Variants in CTNNA3 observed in about 807,000 individuals in gnomAD.
CTNNA3 encodes catenin alpha 3.
In CTNNA3, 76 loss-of-function variants were observed where a neutral mutation model predicts 95.7. The observed-to-expected ratio is 0.79, with a 90% CI of 0.66 to 0.96. The LOEUF is 0.96. Among genes scored for constraint, CTNNA3 ranks in the 40% least tolerant of loss-of-function variants. The pLI is 0.00. For synonymous variants in CTNNA3, 431 were observed against 374.4 expected, an observed-to-expected ratio of 1.15 and a Z score of -1.74; for missense variants, 1,191 against 1,089.8, an observed-to-expected ratio of 1.09 and a Z score of -1.31.
intron 11 of CTNNA3, among the ~76,000 whole-genome samples, chr10:66,404,354 C>G (rs553740755): frequency 6.6e-6 from 1 of 152,268 alleles, no homozygotes; most frequent in South Asian, 2.1e-4. Context: ...GTCAATTAAA[C>G]TCGTTCACTA....
chr10:67,218,221 A>C (rs775346988), intron 6 of CTNNA3, among the ~76,000 whole-genome samples: 4 of 152,068 alleles, frequency 2.6e-5, no homozygotes, highest in Non-Finnish European at 2.9e-5. Context: ...CACACTCGGC[A>C]CTCCCCAGAT....
chr10:66,662,952 T>G (rs1267189413), intron 9 of CTNNA3, among the ~76,000 whole-genome samples: 2 of 152,238 alleles, frequency 1.3e-5, no homozygotes, highest in Admixed American at 6.5e-5. Flanking sequence ...CAATTCATTC[T>G]ATGGTCTTTC....
chr10:66,464,319 C>G (rs879529039), intron 11 of CTNNA3, among the ~76,000 whole-genome samples: 1 of 152,114 alleles, frequency 6.6e-6, no homozygotes, highest in South Asian at 2.1e-4. Flanking sequence ...AGGTTTAATG[C>G]TACTGGATCA....
intron 11 of CTNNA3, among the ~76,000 whole-genome samples, chr10:66,435,955 G>A (rs1332870283): frequency 6.6e-6 from 1 of 152,154 alleles, no homozygotes; most frequent in African/African-American, 2.4e-5. Flanking sequence ...TCAGGAGCAG[G>A]TTGTTCAGTT....
chr10:66,971,630 G>A (rs547417699), intron 7 of CTNNA3, among the ~76,000 whole-genome samples: 2 of 152,178 alleles, frequency 1.3e-5, no homozygotes, highest in South Asian at 4.1e-4. Flanking sequence ...CCCACTTAGA[G>A]TAAACACTCA....
At chr10:66,041,732 T>C (rs908431470) in intron 15 of CTNNA3, among the ~76,000 whole-genome samples, 11 of 152,124 alleles carry the variant, frequency 7.2e-5, no homozygotes, top group Non-Finnish European at 1.3e-4. Flanking sequence ...CCTTTTTTTT[T>C]CTAAATAATT....
chr10:66,571,351 T>G (rs1232548010), intron 10 of CTNNA3, among the ~76,000 whole-genome samples: 1 of 152,172 alleles, frequency 6.6e-6, no homozygotes, highest in Non-Finnish European at 1.5e-5. Context: ...TACAACTATC[T>G]GTGTTGCATT....
At position 67,121,284 on chromosome 10, in the gene CTNNA3, T is replaced by C. The variant is rs1430948041; in HGVS notation, c.1047+59033A>G. On this transcript the variant is annotated intron_variant, in intron 7 of 17. Coordinates refer to ENST00000433211, the MANE Select transcript of CTNNA3 (RefSeq NM_013266.4). ...CTCAGTGTAAGCATTGTTGTAGTTA[T>C]CAGCTTTGTAAGAAGTTTATGGAAA... Among the ~76,000 whole-genome samples the C allele has an allele frequency of 2.0e-5, 3 of 151,810 alleles. No homozygotes were observed. In the East Asian group the frequency reaches 5.9e-4, roughly 30 times the overall value.
At chr10:67,491,999 T>A (rs892630639) in intron 5 of CTNNA3, among the ~76,000 whole-genome samples, 1 of 152,088 alleles carries the variant, frequency 6.6e-6, no homozygotes. Context: ...GGATAAAATC[T>A]TGAATTGAAG....
intron 7 of CTNNA3, among the ~76,000 whole-genome samples, chr10:66,803,296 A>G (rs1205110098): frequency 6.6e-6 from 1 of 151,892 alleles, no homozygotes; most frequent in African/African-American, 2.4e-5. Flanking sequence ...CAATTCCCCA[A>G]ACTTACATTA....
At chr10:66,860,621 G>A (rs781023283) in intron 7 of CTNNA3, among the ~76,000 whole-genome samples, 10 of 152,056 alleles carry the variant, frequency 6.6e-5, no homozygotes, top group Non-Finnish European at 1.3e-4. Context: ...GTGTATAAGC[G>A]GCCCTCACCT....
chr10:67,581,702 T>A (rs576939377), intron 3 of CTNNA3, among the ~76,000 whole-genome samples: 14 of 152,186 alleles, frequency 9.2e-5, no homozygotes, highest in African/African-American at 3.1e-4. Flanking sequence ...ACTTTTTTTG[T>A]TTGGTAGGCT....
intron 5 of CTNNA3, among the ~76,000 whole-genome samples, chr10:67,256,118 G>T (rs927997183): frequency 6.6e-6 from 1 of 152,040 alleles, no homozygotes; most frequent in African/African-American, 2.4e-5. Context: ...AACTGGACTA[G>T]ATTACACTAA....
chr10:67,443,671 A>G (rs1412565667), intron 5 of CTNNA3, among the ~76,000 whole-genome samples: 1 of 150,402 alleles, frequency 6.6e-6, no homozygotes, highest in Non-Finnish European at 1.5e-5. Context: ...AATTTGTTTG[A>G]GTTCATTATA....
intron 9 of CTNNA3, among the ~76,000 whole-genome samples, chr10:66,655,175 ACAT>A (rs1407978811): frequency 3.3e-5 from 5 of 152,100 alleles, no homozygotes; most frequent in Admixed American, 1.3e-4. Context: ...ATATTTTAAA[ACAT>A]CATGTGGTAC....
chr10:67,535,107 C>A (rs1464108551), intron 4 of CTNNA3, among the ~76,000 whole-genome samples: 2 of 152,042 alleles, frequency 1.3e-5, no homozygotes, highest in Non-Finnish European at 2.9e-5. Flanking sequence ...GATTACTAGA[C>A]TGATAAATCC....
intron 1 of CTNNA3, among the ~76,000 whole-genome samples, chr10:67,657,573 C>T (rs187965818): frequency 1.3e-3 from 204 of 152,148 alleles, no homozygotes; most frequent in African/African-American, 4.2e-3. Flanking sequence ...TGACCAGGCA[C>T]GGTGGCTCAC....
intron 13 of CTNNA3, among the ~76,000 whole-genome samples, chr10:66,122,323 C>G (rs937292916): frequency 2.0e-5 from 3 of 151,972 alleles, no homozygotes; most frequent in Admixed American, 6.5e-5. Context: ...AAAAAAATTA[C>G]TTAATAAAGA....
intron 5 of CTNNA3, among the ~76,000 whole-genome samples, chr10:67,287,707 T>C (rs576223522): frequency 1.3e-5 from 2 of 152,320 alleles, no homozygotes; most frequent in Non-Finnish European, 2.9e-5. Context: ...CATATATTCT[T>C]GGTCCAGTCT....
Sources: gnomAD v4.1 joint callset for allele counts (sites outside exome capture counted in the v4.1 genomes callset) on GRCh38, gnomAD v4.1.1 for gene constraint, MANE v1.5 for transcripts, NCBI Gene and HGNC (gene_info 2026-07-23, HGNC 2026-07-21) for gene names.